RNF180: variants seen among roughly 807,000 people sequenced by gnomAD.
The protein encoded by RNF180 is E3 ubiquitin-protein ligase RNF180.
In RNF180, 38 loss-of-function variants were observed where a neutral mutation model predicts 59.2. The ratio of observed to expected loss-of-function variants is 0.64; its 90% CI spans 0.50 to 0.84. The LOEUF (loss-of-function observed/expected upper bound fraction) is 0.84. Ranked by LOEUF, RNF180 falls within the 40% of genes least tolerant of loss-of-function variation. RNF180 has a pLI of 0.00. For missense variants in RNF180, 705 were observed against 700.9 expected (o/e 1.01, Z -0.07); for synonymous variants, 262 against 240.3 (o/e 1.09, Z -0.84).
At chr5:64,271,893 T>C (rs1741426722) in intron 5 of RNF180, among the ~76,000 whole-genome samples, 1 of 152,066 alleles carries the variant, frequency 6.6e-6, no homozygotes, top group Non-Finnish European at 1.5e-5. Flanking sequence ...CCCAGGTTTA[T>C]GCACGTTTCC....
chr5:64,201,753 T>C (rs1250478016), intron 2 of RNF180, among the ~76,000 whole-genome samples: 3 of 152,198 alleles, frequency 2.0e-5, no homozygotes, highest in Non-Finnish European at 2.9e-5. Context: ...CAAATACTTA[T>C]TTTGGAGATG....
intron 1 of RNF180, among the ~76,000 whole-genome samples, chr5:64,174,951 A>G (rs1487533956): frequency 7.2e-6 from 1 of 139,208 alleles, no homozygotes; most frequent in African/African-American, 2.8e-5. Flanking sequence ...TAAGTCTTTA[A>G]TCCAGTTCTT....
At chr5:64,329,622 T>C (rs938194184) in intron 6 of RNF180, among the ~76,000 whole-genome samples, 3 of 152,018 alleles carry the variant, frequency 2.0e-5, no homozygotes, top group Non-Finnish European at 2.9e-5. Context: ...CATGCCCAGC[T>C]AATTTTTGTA....
rs112958959 is a variant in RNF180, at chr5:64,315,546, A to G, written c.1228-9640A>G. 8.2e-3 allele frequency among the ~76,000 whole-genome samples: 1,247 copies of G among 152,152 alleles called. 17 individuals are homozygous for G. The highest frequency in any genetic ancestry group is 0.029 in the African/African-American group (1,191 of 41,506). ...GATCACCTGAGGTCAGGAGTTTGAG[A>G]CCAGCATGACCAACATGGTGAAACC... On this transcript the variant is annotated intron_variant, in intron 5 of 7. Coordinates refer to ENST00000389100, the MANE Select transcript of RNF180 (RefSeq NM_001113561.2).
intron 5 of RNF180, among the ~76,000 whole-genome samples, chr5:64,260,006 A>G (rs1481706057): frequency 2.0e-5 from 3 of 152,180 alleles, no homozygotes; most frequent in African/African-American, 7.2e-5. Flanking sequence ...CCTAGCACCA[A>G]AAAAGCAATT....
intron 1 of RNF180, among the ~76,000 whole-genome samples, chr5:64,198,354 T>G (rs943000076): frequency 6.6e-6 from 1 of 152,148 alleles, no homozygotes; most frequent in Non-Finnish European, 1.5e-5. Flanking sequence ...AGGAGATTCA[T>G]AGAGAGATGT....
At chr5:64,224,667 A>G (rs952083122) in intron 5 of RNF180, among the ~76,000 whole-genome samples, 3 of 152,194 alleles carry the variant, frequency 2.0e-5, no homozygotes, top group Non-Finnish European at 4.4e-5. Context: ...GTCCTCAGGC[A>G]CTGGGGGGAA....
chr5:64,262,972 AC>A (rs1448611386), intron 5 of RNF180, among the ~76,000 whole-genome samples: 1 of 152,176 alleles, frequency 6.6e-6, no homozygotes, highest in Non-Finnish European at 1.5e-5. Flanking sequence ...AGGAGTCCCA[AC>A]AAGATGTAAA....
chr5:64,181,703 A>G (rs1750593716), intron 1 of RNF180, among the ~76,000 whole-genome samples: 1 of 152,192 alleles, frequency 6.6e-6, no homozygotes, highest in Non-Finnish European at 1.5e-5. Flanking sequence ...ATCTCTCTGT[A>G]ATCTCGCTGT....
intron 7 of RNF180, among the ~76,000 whole-genome samples, chr5:64,359,603 G>A (rs1208480680): frequency 2.6e-5 from 4 of 151,404 alleles, no homozygotes; most frequent in African/African-American, 9.7e-5. Context: ...CACTCTGATG[G>A]TAGTTTCTTT....
chr5:64,234,343 G>T (rs1377588133), intron 5 of RNF180, among the ~76,000 whole-genome samples: 8 of 151,914 alleles, frequency 5.3e-5, no homozygotes, highest in Admixed American at 5.2e-4. Flanking sequence ...GCATGTGCCT[G>T]TAGTCCCAGC....
chr5:64,249,992 TCAA>T (rs946439450), intron 5 of RNF180, among the ~76,000 whole-genome samples: 2 of 152,162 alleles, frequency 1.3e-5, no homozygotes, highest in Non-Finnish European at 2.9e-5. Flanking sequence ...AACATTTTAT[TCAA>T]CAGGTGCAGA....
chr5:64,371,965 T>C lies in RNF180; in HGVS notation c.*2151T>C, dbSNP rs1746671685. The C allele has an allele frequency of 6.6e-6, 1 of 151,556 alleles. No homozygotes were observed. Among genetic ancestry groups the C allele is most frequent in the African/African-American group, 2.4e-5 (1 of 41,344 alleles). 9.4% of individuals were successfully genotyped at this position (151,556 alleles called of 1,614,324 possible). ...AGCTTTAGAGTAAAACAAAAAATTA[T>C]AATGCTCTTCCTAAGCATCTCTCAC... On this transcript the variant is annotated 3_prime_UTR_variant, in exon 8 of 8. Coordinates refer to ENST00000389100, the MANE Select transcript of RNF180 (RefSeq NM_001113561.2).
chr5:64,341,005 GTCTTT>G (rs1267762898), intron 7 of RNF180, among the ~76,000 whole-genome samples: 2 of 151,276 alleles, frequency 1.3e-5, no homozygotes, highest in Non-Finnish European at 2.9e-5. Context: ...ACAATTTTTA[GTCTTT>G]TCATTATTTC....
intron 5 of RNF180, among the ~76,000 whole-genome samples, chr5:64,317,969 A>C (rs751385175): frequency 1.3e-5 from 2 of 152,182 alleles, no homozygotes; most frequent in African/African-American, 4.8e-5. Context: ...AGTATTGACT[A>C]TCTCATGTAA....
At chr5:64,356,967 A>G (rs971675181) in intron 7 of RNF180, among the ~76,000 whole-genome samples, 1 of 151,886 alleles carries the variant, frequency 6.6e-6, no homozygotes, top group Non-Finnish European at 1.5e-5. Context: ...ATTGGTTAAA[A>G]TGACAAATGT....
At chr5:64,198,521 G>A (rs1158000525) in intron 1 of RNF180, among the ~76,000 whole-genome samples, 2 of 152,296 alleles carry the variant, frequency 1.3e-5, no homozygotes, top group African/African-American at 4.8e-5. Flanking sequence ...ATCTCCTACA[G>A]GGTTTTTTTC....
At chr5:64,339,086 CT>C (rs1357669948) in intron 7 of RNF180, among the ~76,000 whole-genome samples, 1 of 150,956 alleles carries the variant, frequency 6.6e-6, no homozygotes, top group African/African-American at 2.4e-5. Context: ...TTTAATCTGT[CT>C]TGTATATCTA....
chr5:64,213,136 C>T (rs925024548), intron 3 of RNF180, among the ~76,000 whole-genome samples: 2 of 152,076 alleles, frequency 1.3e-5, no homozygotes, highest in Non-Finnish European at 2.9e-5. Flanking sequence ...GGTAACGTTC[C>T]CTCCCACAGT....
Sources: gnomAD v4.1 joint callset for allele counts (sites outside exome capture counted in the v4.1 genomes callset) on GRCh38, gnomAD v4.1.1 for gene constraint, MANE v1.5 for transcripts, NCBI Gene and HGNC (gene_info 2026-07-23, HGNC 2026-07-21) for gene names.